GOLT1B: variants seen among roughly 807,000 people sequenced by gnomAD.
GOLT1B encodes golgi transport 1B.
A neutral mutation model predicts 15.4 loss-of-function variants in GOLT1B; 3 were observed. The ratio of observed to expected loss-of-function variants is 0.19; its 90% CI spans 0.09 to 0.50. The LOEUF (loss-of-function observed/expected upper bound fraction) is 0.50, where lower values mean the gene tolerates loss of function less well. GOLT1B is among the 20% of genes least tolerant of loss of function. The probability of loss-of-function intolerance (pLI) is 0.97; values close to 1 mark genes in which losing one functional copy is unlikely to be tolerated. For synonymous variants in GOLT1B, 65 were observed against 56.2 expected (o/e 1.16, Z -0.70); for missense variants, 145 against 160.4 (o/e 0.90, Z 0.52).
rs150036114 is a variant in GOLT1B at position 21,508,567 on chromosome 12, G to T, written c.296+6G>T. 5.6e-5 allele frequency: 80 copies of T among 1,417,650 alleles called. No homozygotes were observed. In the African/African-American group the frequency reaches 1.0e-3, roughly 18 times the overall value. 87.8% of individuals were successfully genotyped at this position (1,417,650 alleles called of 1,614,324 possible). Reference sequence around the variant, plus strand: ...GGATTTTTTCTCTTGTTCAGGTAAGGCATATTATTGTCTCTTTCAGTAAAT... The same window carrying T: ...GGATTTTTTCTCTTGTTCAGGTAAGTCATATTATTGTCTCTTTCAGTAAAT... On this transcript the variant is annotated splice_donor_region_variant and intron_variant, in intron 3 of 4. Transcript: ENST00000229314.
intron 3 of GOLT1B, among the ~76,000 whole-genome samples, chr12:21,510,978 G>A (rs963083468): frequency 4.6e-5 from 7 of 152,126 alleles, no homozygotes; most frequent in Non-Finnish European, 2.9e-5. Context: ...TCCCGATATC[G>A]CAATCAGTTA....
At chr12:21,511,101 C>T (rs1943716134) in intron 3 of GOLT1B, among the ~76,000 whole-genome samples, 1 of 152,156 alleles carries the variant, frequency 6.6e-6, no homozygotes. Context: ...AACTGTCCTC[C>T]ACTCCCAATG....
intron 1 of GOLT1B, among the ~76,000 whole-genome samples, chr12:21,503,512 G>A (rs981527042): frequency 6.6e-6 from 1 of 152,226 alleles, no homozygotes; most frequent in Admixed American, 6.5e-5. Context: ...AGTGATGAGT[G>A]CCTGCTTTAT....
chr12:21,515,835 A>C lies in GOLT1B; in HGVS notation c.*128A>C, dbSNP rs1943751992. On this transcript the variant is annotated 3_prime_UTR_variant, in exon 5 of 5. Transcript: ENST00000229314. ...TTCTTTACAGGAGTTTAAAACGTAT[A>C]GCCTACAAAGTACCAGCAGCAAATT... 3.7e-6 allele frequency: 2 copies of C among 547,686 alleles called. No individual in the cohort carries two copies. Among genetic ancestry groups the C allele is most frequent in the Admixed American group, 3.6e-5 (1 of 28,150 alleles). The allele number at this position is 547,686 out of a possible 1,614,324, so 33.9% of individuals were successfully genotyped here. A position where few individuals can be genotyped will look rare whatever the true frequency, so the allele number is the denominator to read the frequency against.
chr12:21,511,872 A>G (rs1420621645), intron 3 of GOLT1B, among the ~76,000 whole-genome samples: 2 of 152,230 alleles, frequency 1.3e-5, no homozygotes, highest in Non-Finnish European at 2.9e-5. Flanking sequence ...ATTTCTACCA[A>G]GAAAGAATGA....
chr12:21,515,831 G>T lies in GOLT1B; in HGVS notation c.*124G>T, dbSNP rs1325902672. 6 of 572,126 alleles carry T rather than the reference G, an allele frequency of 1.0e-5. No homozygotes were observed. The East Asian group carries it at 1.5e-4, about 15-fold the overall frequency. The allele number at this position is 572,126 out of a possible 1,614,324, so 35.4% of individuals were successfully genotyped here. Reference sequence around the variant, plus strand: ...AATGTTCTTTACAGGAGTTTAAAACGTATAGCCTACAAAGTACCAGCAGCA... The same window carrying T: ...AATGTTCTTTACAGGAGTTTAAAACTTATAGCCTACAAAGTACCAGCAGCA... On this transcript the variant is annotated 3_prime_UTR_variant, in exon 5 of 5. Transcript: ENST00000229314.
At chr12:21,502,068 C>G in intron 1 of GOLT1B, 120 bp downstream of exon 1, 1 of 765,348 alleles carries the variant, frequency 1.3e-6, no homozygotes, top group Non-Finnish European at 2.3e-6. Flanking sequence ...GCCTGCGAGA[C>G]AGAGCTAGGG....
In GOLT1B at chr12:21,517,221, A is replaced by G. The variant is rs925963641; in HGVS notation, c.*1514A>G. 1 of 152,426 alleles carries G rather than the reference A, an allele frequency of 6.6e-6. No homozygotes were observed. Among genetic ancestry groups the G allele is most frequent in the African/African-American group, 2.4e-5 (1 of 41,440 alleles). The allele number at this position is 152,426 out of a possible 1,614,324, so 9.4% of individuals were successfully genotyped here. A position where few individuals can be genotyped will look rare whatever the true frequency, so the allele number is the denominator to read the frequency against. On this transcript the variant is annotated 3_prime_UTR_variant, in exon 5 of 5. Transcript: ENST00000229314. ...AGAGAACTCCCAATCTTGCTCATCT[A>G]AATAAGGAAAGACTTGGTGTATAGT...
At chr12:21,502,237 C>T (rs1943636379) in intron 1 of GOLT1B, among the ~76,000 whole-genome samples, 3 of 152,168 alleles carry the variant, frequency 2.0e-5, no homozygotes, top group Non-Finnish European at 1.5e-5. Context: ...GCGCTGATCT[C>T]CTCATCCCCA....
intron 4 of GOLT1B, 35 bp downstream of exon 4, chr12:21,512,411 A>G (rs748809418): frequency 1.9e-5 from 18 of 953,684 alleles, no homozygotes; most frequent in Middle Eastern, 2.1e-4. Context: ...CCAACAAAAT[A>G]CGTATTTTGA....
chr12:21,515,628 T>A, intron 4 of GOLT1B, 41 bp from the exon 5 acceptor site: 2 of 1,033,620 alleles, frequency 1.9e-6, no homozygotes, highest in Non-Finnish European at 3.0e-6. Flanking sequence ...TTTATAATGT[T>A]CCGGGCTTTC....
chr12:21,512,502 A>G (rs1943727378), intron 4 of GOLT1B, 126 bp downstream of exon 4: 1 of 638,402 alleles, frequency 1.6e-6, no homozygotes, highest in Admixed American at 2.6e-5. Flanking sequence ...TACTTCACAT[A>G]GATCATGAGT....
At chr12:21,507,539 TATAC>T (rs889136432) in intron 2 of GOLT1B, among the ~76,000 whole-genome samples, 3 of 151,654 alleles carry the variant, frequency 2.0e-5, no homozygotes, top group Admixed American at 6.6e-5. Flanking sequence ...TATATATATA[TATAC>T]ACACACACAT....
At chr12:21,511,497 C>T (rs1283948170) in intron 3 of GOLT1B, among the ~76,000 whole-genome samples, 1 of 152,160 alleles carries the variant, frequency 6.6e-6, no homozygotes, top group Non-Finnish European at 1.5e-5. Context: ...CCCTCCCCTT[C>T]GTGGAGGTTA....
intron 3 of GOLT1B, among the ~76,000 whole-genome samples, chr12:21,510,344 C>A (rs552825223): frequency 6.6e-6 from 1 of 152,240 alleles, no homozygotes; most frequent in South Asian, 2.1e-4. Context: ...ACTTAAGCAC[C>A]TTAAGAAGTA....
intron 4 of GOLT1B, among the ~76,000 whole-genome samples, chr12:21,514,612 A>C (rs1943742844): frequency 6.6e-6 from 1 of 152,208 alleles, no homozygotes; most frequent in Admixed American, 6.5e-5. Flanking sequence ...AATATAACAA[A>C]ATGTTGGAAT....
chr12:21,501,794 G>T lies in GOLT1B; in HGVS notation c.-130G>T. 2 of 701,284 alleles carry T rather than the reference G, an allele frequency of 2.9e-6. No homozygotes were observed. The highest frequency in any genetic ancestry group is 2.6e-6 in the Non-Finnish European group (1 of 380,518). 43.4% of individuals were successfully genotyped at this position (701,284 alleles called of 1,614,324 possible). A position where few individuals can be genotyped will look rare whatever the true frequency, so the allele number is the denominator to read the frequency against. On this transcript the variant is annotated 5_prime_UTR_variant, in exon 1 of 5. In the 5' UTR this introduces an upstream ATG that the reference lacks. Transcript: ENST00000229314. ...GGAAGCGCTCTTAAAGCGGCAGTGA[G>T]GGTGGCTGCGTGTTTCCGGAAGACG...
chr12:21,513,090 A>C (rs957744046), intron 4 of GOLT1B, among the ~76,000 whole-genome samples: 5 of 149,442 alleles, frequency 3.3e-5, no homozygotes, highest in Non-Finnish European at 7.4e-5. Flanking sequence ...AAAAAAAAAA[A>C]AAGAGTTGAA....
chr12:21,502,638 T>C (rs559020268), intron 1 of GOLT1B, among the ~76,000 whole-genome samples: 1 of 152,358 alleles, frequency 6.6e-6, no homozygotes, highest in East Asian at 1.9e-4. Flanking sequence ...AGCATCGCTC[T>C]CTGCCTGCCA....
Sources: gnomAD v4.1 joint callset for allele counts (sites outside exome capture counted in the v4.1 genomes callset) on GRCh38, gnomAD v4.1.1 for gene constraint, MANE v1.5 for transcripts, NCBI Gene and HGNC (gene_info 2026-07-23, HGNC 2026-07-21) for gene names.